Variants in PTPRT observed in about 807,000 individuals in gnomAD.
PTPRT encodes protein tyrosine phosphatase receptor type T, also known as receptor-type tyrosine-protein phosphatase T.
PTPRT carries 56 observed loss-of-function variants against 176.8 expected under a neutral mutation model. The ratio of observed to expected loss-of-function variants is 0.32; its 90% CI spans 0.26 to 0.40. The LOEUF is 0.40. Ranked by LOEUF, PTPRT falls within the 10% of genes least tolerant of loss-of-function variation. The pLI, the probability that PTPRT is intolerant of heterozygous loss-of-function variation, is 1.00. For missense variants in PTPRT, 1,540 were observed against 1,908.2 expected (o/e 0.81, Z 3.60); for synonymous variants, 783 against 739.0 (o/e 1.06, Z -0.96).
the PTPRT span, among the ~76,000 whole-genome samples, chr20:42,056,336 G>T: frequency 6.6e-6 from 1 of 152,056 alleles, no homozygotes; most frequent in East Asian, 1.9e-4. Context: ...ATATATATTT[G>T]GATCTTTTGG....
intron 1 of PTPRT, among the ~76,000 whole-genome samples, chr20:42,910,385 A>G (rs964114492): frequency 3.3e-5 from 5 of 152,238 alleles, no homozygotes; most frequent in African/African-American, 9.6e-5. Flanking sequence ...GCTCAGTGGT[A>G]GAATCAATGA....
chr20:42,222,463 T>C (rs1432916694), intron 15 of PTPRT, among the ~76,000 whole-genome samples: 1 of 152,192 alleles, frequency 6.6e-6, no homozygotes, highest in Non-Finnish European at 1.5e-5. Flanking sequence ...CCTCTCTCCT[T>C]CCTTCCTTTC....
chr20:42,436,593 A>C (rs890295882), intron 9 of PTPRT, among the ~76,000 whole-genome samples: 1 of 152,238 alleles, frequency 6.6e-6, no homozygotes, highest in Non-Finnish European at 1.5e-5. Context: ...ATGAGTGTAA[A>C]TTAGTGCAAC....
chr20:42,193,436 C>G (rs1205374554), intron 16 of PTPRT, among the ~76,000 whole-genome samples: 1 of 152,222 alleles, frequency 6.6e-6, no homozygotes, highest in Non-Finnish European at 1.5e-5. Context: ...CAGTGACCTT[C>G]CTCTGTGAGA....
At chr20:42,194,775 C>T (rs572289021) in intron 16 of PTPRT, among the ~76,000 whole-genome samples, 3 of 152,160 alleles carry the variant, frequency 2.0e-5, no homozygotes, top group Admixed American at 2.0e-4. Flanking sequence ...TCAAGAATAC[C>T]AAGGCACTCC....
rs1986492387 is a variant in PTPRT at position 42,106,819 on chromosome 20, G to A, written c.3357C>T (p.Leu1119=). ...VVDIFNCVRE[L]RAQRVNLVQT... ...GTACCAGGTTGACCCTTTGGGCCCG[G>A]AGCTCACGCACGCAGTTGAAGATGT... The change falls in exon 24 of 31, where the codon CTC becomes CTT. Residue 1119 remains leucine, a synonymous_variant. Transcript: ENST00000373187. 6.2e-7 allele frequency: 1 copy of A among 1,614,000 alleles called. No homozygotes were observed. Among genetic ancestry groups the A allele is most frequent in the Admixed American group, 1.7e-5 (1 of 59,996 alleles).
At chr20:42,904,041 G>T (rs755406164) in intron 1 of PTPRT, among the ~76,000 whole-genome samples, 1 of 152,092 alleles carries the variant, frequency 6.6e-6, no homozygotes, top group Non-Finnish European at 1.5e-5. Flanking sequence ...AGTCACTAAG[G>T]TTCCTAAGCA....
At chr20:42,235,909 T>C (rs955792596) in intron 15 of PTPRT, among the ~76,000 whole-genome samples, 6 of 152,218 alleles carry the variant, frequency 3.9e-5, no homozygotes, top group African/African-American at 1.4e-4. Flanking sequence ...GTGCAAGTCC[T>C]ACAGCAGGAT....
At chr20:43,143,522 G>C (rs1298163091) in intron 1 of PTPRT, among the ~76,000 whole-genome samples, 1 of 152,186 alleles carries the variant, frequency 6.6e-6, no homozygotes, top group Non-Finnish European at 1.5e-5. Context: ...CACAGGTAAG[G>C]CTGGGCACCA....
chr20:42,429,519 A>G (rs992597258), intron 9 of PTPRT, among the ~76,000 whole-genome samples: 13 of 152,046 alleles, frequency 8.6e-5, no homozygotes, highest in Non-Finnish European at 1.8e-4. Context: ...ATCCCCTGCA[A>G]GGCGCTCTTT....
intron 17 of PTPRT, among the ~76,000 whole-genome samples, chr20:42,147,333 G>A (rs1025057240): frequency 6.6e-6 from 1 of 152,154 alleles, no homozygotes; most frequent in Non-Finnish European, 1.5e-5. Context: ...ATCCACAATG[G>A]CCTTCCAAGC....
intron 1 of PTPRT, among the ~76,000 whole-genome samples, chr20:42,965,416 A>C (rs1233263849): frequency 1.3e-5 from 2 of 151,562 alleles, no homozygotes; most frequent in Non-Finnish European, 2.9e-5. Flanking sequence ...GAGTGTAGAT[A>C]ATAAACCGTA....
chr20:42,084,611 C>T, intron 29 of PTPRT, 71 bp downstream of exon 29: 5 of 1,298,328 alleles, frequency 3.9e-6, no homozygotes, highest in Non-Finnish European at 5.0e-6. Context: ...GGGTATGTGG[C>T]CAGCAGCATC....
intron 1 of PTPRT, among the ~76,000 whole-genome samples, chr20:43,187,297 CTT>C (rs890106096): frequency 2.8e-4 from 42 of 152,210 alleles, no homozygotes; most frequent in African/African-American, 1.0e-3. Flanking sequence ...TTTGTCCAAA[CTT>C]GCCAAAAGTT....
At chr20:43,047,981 C>T (rs923048045) in intron 1 of PTPRT, among the ~76,000 whole-genome samples, 8 of 152,168 alleles carry the variant, frequency 5.3e-5, no homozygotes, top group African/African-American at 1.9e-4. Flanking sequence ...AAATGAGGTA[C>T]AGCCGTGCCT....
intron 9 of PTPRT, among the ~76,000 whole-genome samples, chr20:42,362,061 A>G (rs2058438307): frequency 6.6e-6 from 1 of 152,220 alleles, no homozygotes; most frequent in Non-Finnish European, 1.5e-5. Flanking sequence ...AAATATGGAC[A>G]TTCAGGCTGG....
chr20:42,344,876 C>T (rs2058165102), intron 11 of PTPRT, among the ~76,000 whole-genome samples: 1 of 152,072 alleles, frequency 6.6e-6, no homozygotes, highest in Non-Finnish European at 1.5e-5. Flanking sequence ...ACACCCTGTA[C>T]CTTCTCTGTG....
intron 7 of PTPRT, among the ~76,000 whole-genome samples, chr20:42,565,407 C>T (rs2073021225): frequency 6.6e-6 from 1 of 152,156 alleles, no homozygotes; most frequent in Non-Finnish European, 1.5e-5. Flanking sequence ...CAGACACCAG[C>T]ATCACACAGG....
At chr20:42,721,119 AG>A (rs1189556152) in intron 6 of PTPRT, among the ~76,000 whole-genome samples, 1 of 152,228 alleles carries the variant, frequency 6.6e-6, no homozygotes, top group African/African-American at 2.4e-5. Context: ...ATGAACAAAA[AG>A]CAGGGAGTTT....
Sources: allele counts gnomAD v4.1 joint callset (sites outside exome capture counted in the v4.1 genomes callset), GRCh38; gene constraint gnomAD v4.1.1; transcripts MANE v1.5; gene names NCBI Gene and HGNC (gene_info 2026-07-23, HGNC 2026-07-21).